FER: variants seen among roughly 807,000 people sequenced by gnomAD.
FER encodes tyrosine-protein kinase Fer.
Under a neutral mutation model 111.0 loss-of-function variants are expected in FER, and 63 were observed. That is an observed-to-expected ratio of 0.57 (90% CI 0.46 to 0.70). The LOEUF is 0.70. Ranked by LOEUF, FER falls within the 30% of genes least tolerant of loss-of-function variation. The pLI is 0.00. For missense variants in FER, 914 were observed against 954.0 expected (o/e 0.96, Z 0.55); for synonymous variants, 327 against 313.9 (o/e 1.04, Z -0.44).
intron 16 of FER, among the ~76,000 whole-genome samples, chr5:109,053,052 A>G (rs1773063951): frequency 6.6e-6 from 1 of 152,214 alleles, no homozygotes; most frequent in African/African-American, 2.4e-5. Context: ...ATAATTCATT[A>G]TGTAATATCA....
chr5:108,893,039 G>T (rs1233650708), intron 9 of FER, among the ~76,000 whole-genome samples: 5 of 152,088 alleles, frequency 3.3e-5, no homozygotes, highest in African/African-American at 1.2e-4. Flanking sequence ...CTCTGTTTTG[G>T]TACCAGTACC....
At chr5:109,175,178 C>T (rs1015522839) in intron 17 of FER, among the ~76,000 whole-genome samples, 2 of 152,098 alleles carry the variant, frequency 1.3e-5, no homozygotes, top group African/African-American at 4.8e-5. Flanking sequence ...GCAGATTCCC[C>T]GATGCATTGT....
At chr5:108,828,934 T>G (rs762025892) in intron 3 of FER, among the ~76,000 whole-genome samples, 3 of 152,070 alleles carry the variant, frequency 2.0e-5, no homozygotes, top group Non-Finnish European at 4.4e-5. Flanking sequence ...CCTGTCTCTA[T>G]TTTTTTAAAA....
At chr5:109,168,269 C>G (rs1379764847) in intron 17 of FER, among the ~76,000 whole-genome samples, 2 of 152,122 alleles carry the variant, frequency 1.3e-5, no homozygotes, top group African/African-American at 2.4e-5. Flanking sequence ...TCTTTGTCCC[C>G]TTTTCCTGGC....
intron 17 of FER, among the ~76,000 whole-genome samples, chr5:109,124,788 T>C (rs1403654266): frequency 6.6e-6 from 1 of 152,128 alleles, no homozygotes; most frequent in Non-Finnish European, 1.5e-5. Flanking sequence ...GGCTCACGCC[T>C]GTAATCCCAG....
chr5:108,975,355 C>T (rs1305369082), intron 13 of FER, among the ~76,000 whole-genome samples: 7 of 152,068 alleles, frequency 4.6e-5, no homozygotes, highest in African/African-American at 1.7e-4. Flanking sequence ...CACCATGACA[C>T]ATGTATACCT....
intron 17 of FER, among the ~76,000 whole-genome samples, chr5:109,144,024 A>G (rs891064602): frequency 1.3e-5 from 2 of 151,950 alleles, no homozygotes; most frequent in African/African-American, 4.8e-5. Flanking sequence ...GAGGAAAGGA[A>G]TTTATTTTGT....
chr5:109,006,478 C>A (rs576958739), intron 13 of FER, among the ~76,000 whole-genome samples: 4 of 152,250 alleles, frequency 2.6e-5, no homozygotes, highest in African/African-American at 9.6e-5. Context: ...GAGGCCTCCC[C>A]AGCTATGTGG....
intron 2 of FER, among the ~76,000 whole-genome samples, chr5:108,771,413 A>C (rs1752887419): frequency 6.6e-6 from 1 of 152,132 alleles, no homozygotes; most frequent in Admixed American, 6.5e-5. Context: ...GAATTTTAGT[A>C]GTAGTAGGAT....
intron 17 of FER, among the ~76,000 whole-genome samples, chr5:109,121,385 A>G (rs1030495072): frequency 6.6e-6 from 1 of 152,096 alleles, no homozygotes; most frequent in African/African-American, 2.4e-5. Flanking sequence ...TGTTGATGTG[A>G]TATGTCACAT....
chr5:108,892,782 A>G (rs1023037609), intron 9 of FER, among the ~76,000 whole-genome samples: 1 of 152,160 alleles, frequency 6.6e-6, no homozygotes, highest in Non-Finnish European at 1.5e-5. Flanking sequence ...GTTTTCTTCT[A>G]GGGTTTTTAT....
intron 13 of FER, among the ~76,000 whole-genome samples, chr5:108,981,925 T>C (rs1374747459): frequency 6.6e-6 from 1 of 152,146 alleles, no homozygotes; most frequent in Non-Finnish European, 1.5e-5. Context: ...TATTGAATTT[T>C]TGTGCCTGTT....
rs2149929773 is a variant in FER at position 109,052,114 on chromosome 5, A to G, written c.1924+4916A>G. 7 of 1,605,612 alleles carry G rather than the reference A, an allele frequency of 4.4e-6. No individual in the cohort carries two copies. The South Asian group carries it at 6.6e-5, about 15-fold the overall frequency. On this transcript the variant is annotated intron_variant, in intron 16 of 19. Coordinates refer to ENST00000281092, the MANE Select transcript of FER (RefSeq NM_005246.4). ...CACATTGACACCATCAGTTTGGGCAACCTTGAGTTCCTCCTCTTTCTTGTT... is the reference window on the plus strand; with the variant it reads ...CACATTGACACCATCAGTTTGGGCAGCCTTGAGTTCCTCCTCTTTCTTGTT...
chr5:109,009,662 C>T (rs1481430450), intron 13 of FER, among the ~76,000 whole-genome samples: 2 of 152,134 alleles, frequency 1.3e-5, no homozygotes, highest in Non-Finnish European at 2.9e-5. Flanking sequence ...TTACTTATTC[C>T]TGTATAAGCC....
In FER at chr5:108,867,849, G is replaced by C; in HGVS notation, c.564G>C (p.Ala188=). The part of the protein sequence containing the change: ...LHMLHNQYVL[A]LKGAQLHQNQ... ...TGTTGCACAATCAGTATGTATTGGC[G>C]TTGAAAGGGGCACAGCTCCATCAGA... is the stretch of plus-strand genomic sequence containing the variant. Residue 188 remains alanine (A), a synonymous_variant, in exon 6 of 20, where the codon GCG becomes GCC. Transcript: ENST00000281092. 2.5e-6 allele frequency: 4 copies of C among 1,612,860 alleles called. No homozygotes were observed. Among genetic ancestry groups the C allele is most frequent in the Non-Finnish European group, 3.4e-6 (4 of 1,179,468 alleles).
At chr5:109,088,121 A>G (rs1028065192) in intron 16 of FER, among the ~76,000 whole-genome samples, 8 of 151,926 alleles carry the variant, frequency 5.3e-5, no homozygotes, top group African/African-American at 4.8e-5. Context: ...TGCACTTGGG[A>G]TCATAGTGAA....
chr5:109,075,681 C>T (rs918163037), intron 16 of FER, among the ~76,000 whole-genome samples: 8 of 152,046 alleles, frequency 5.3e-5, no homozygotes, highest in Non-Finnish European at 1.2e-4. Flanking sequence ...CCTTGGCCTC[C>T]CAAAGTGCTG....
At chr5:109,127,878 A>G (rs1751914754) in intron 17 of FER, among the ~76,000 whole-genome samples, 1 of 152,146 alleles carries the variant, frequency 6.6e-6, no homozygotes. Context: ...TCTGTAATTA[A>G]AAGTTATTTT....
At chr5:108,928,223 A>C (rs1338291083) in intron 10 of FER, among the ~76,000 whole-genome samples, 1 of 152,186 alleles carries the variant, frequency 6.6e-6, no homozygotes, top group Admixed American at 6.5e-5. Flanking sequence ...TAGTGCATCA[A>C]TTAGATGTTA....
Sources: gnomAD v4.1 joint callset for allele counts (sites outside exome capture counted in the v4.1 genomes callset) on GRCh38, gnomAD v4.1.1 for gene constraint, MANE v1.5 for transcripts, NCBI Gene and HGNC (gene_info 2026-07-23, HGNC 2026-07-21) for gene names.